Variants in CTBP2 observed in about 807,000 individuals in gnomAD.
The protein encoded by CTBP2 is C-terminal binding protein 2, also known as C-terminal-binding protein 2.
CTBP2 carries 30 observed loss-of-function variants against 80.3 expected under a neutral mutation model. The ratio of observed to expected loss-of-function variants is 0.37; its 90% CI spans 0.28 to 0.51. The LOEUF is 0.51. Ranked by LOEUF, CTBP2 falls within the 20% of genes least tolerant of loss-of-function variation. The pLI, the probability that CTBP2 is intolerant of heterozygous loss-of-function variation, is 0.93. For missense variants in CTBP2, 1,212 were observed against 1,375.3 expected (o/e 0.88, Z 1.88); for synonymous variants, 594 against 587.4 (o/e 1.01, Z -0.16).
At chr10:125,000,371 C>T (rs918266307) in intron 3 of CTBP2, 22 of 152,380 alleles carry the variant, frequency 1.4e-4, no homozygotes, top group African/African-American at 5.3e-4. Flanking sequence ...ATGGGTGGCT[C>T]TGATACTCGC....
intron 2 of CTBP2, 93 bp from the exon 5 acceptor site, chr10:125,003,197 C>A: frequency 6.3e-7 from 1 of 1,593,660 alleles, no homozygotes. Context: ...ACCCTTGAAC[C>A]TGAGGCAGAG....
At chr10:125,144,322 C>T (rs916355186) in intron 1 of CTBP2, among the ~76,000 whole-genome samples, 1 of 152,186 alleles carries the variant, frequency 6.6e-6, no homozygotes, top group Non-Finnish European at 1.5e-5. Context: ...GGAGGAGAAC[C>T]AGTTCGGATC....
intron 2 of CTBP2, among the ~76,000 whole-genome samples, chr10:125,080,616 A>G (rs953950995): frequency 4.6e-5 from 7 of 152,358 alleles, no homozygotes; most frequent in African/African-American, 1.7e-4. Flanking sequence ...CCAGACGCAC[A>G]TAAGAAATTT....
intron 3 of CTBP2, among the ~76,000 whole-genome samples, chr10:125,038,702 A>G (rs974723868): frequency 6.6e-6 from 1 of 152,184 alleles, no homozygotes; most frequent in Non-Finnish European, 1.5e-5. Context: ...AATCAACACC[A>G]TCTTTTATAT....
intron 2 of CTBP2, among the ~76,000 whole-genome samples, chr10:125,097,313 T>A (rs1389288202): frequency 1.3e-5 from 2 of 152,154 alleles, no homozygotes; most frequent in African/African-American, 2.4e-5. Context: ...ATTACAAAAT[T>A]TACTAGTCTC....
chr10:125,068,212 G>A (rs555473068), intron 2 of CTBP2, among the ~76,000 whole-genome samples: 7 of 152,308 alleles, frequency 4.6e-5, no homozygotes, highest in African/African-American at 1.4e-4. Context: ...CCTGATCTGC[G>A]AAGGACACGT....
intron 2 of CTBP2, among the ~76,000 whole-genome samples, chr10:125,046,962 G>A (rs1961409250): frequency 6.6e-6 from 1 of 152,170 alleles, no homozygotes; most frequent in Non-Finnish European, 1.5e-5. Flanking sequence ...GAAGACTTGA[G>A]CAGAAAGAAT....
At chr10:124,992,957 A>G in intron 7 of CTBP2, 145 bp from the exon 10 acceptor site, 1 of 826,350 alleles carries the variant, frequency 1.2e-6, no homozygotes. Context: ...GCTCTTCAAC[A>G]CTGACCTTCA....
rs763756331 is a variant in CTBP2, at chr10:125,027,322, C to T, written c.438G>A (p.Thr146=). The T allele has an allele frequency of 1.5e-5, 25 of 1,613,660 alleles. No homozygotes were observed. Among genetic ancestry groups the T allele is most frequent in the African/African-American group, 6.7e-5 (5 of 74,924 alleles). ...ACCGGCCTTGCATTGGATCCCATGA[C>T]GTTCTGCTGCCAAGCACTCCGTAGC... is the stretch of plus-strand genomic sequence containing the variant. Residue 146 remains threonine (T), a synonymous_variant, in exon 1 of 9, where the codon ACG becomes ACA. Coordinates refer to ENST00000309035, the MANE Select transcript of CTBP2 (RefSeq NM_022802.3).
chr10:125,011,670 G>C (rs755181264), intron 1 of CTBP2, among the ~76,000 whole-genome samples: 8 of 152,224 alleles, frequency 5.3e-5, no homozygotes, highest in Non-Finnish European at 1.0e-4. Flanking sequence ...ACTTCAACGG[G>C]TTCCTCAGAG....
At chr10:125,000,118 C>T (rs1351225876) in intron 3 of CTBP2, 3 of 152,334 alleles carry the variant, frequency 2.0e-5, no homozygotes, top group East Asian at 1.9e-4. Context: ...CATTCAGCTC[C>T]GTGGTTCCAC....
rs569847165 is a variant in CTBP2, at chr10:125,048,491, G to C, written c.-101-9336C>G. On this transcript the variant is annotated intron_variant, in intron 2 of 10. Coordinates refer to the CTBP2 transcript ENST00000337195. The stretch of plus-strand genomic sequence containing the variant: ...GCAGATGCTTCGTTTCTAGGAGCAT[G>C]ATATGCCAGGGGAAAGGGGATGCAG... Among the ~76,000 whole-genome samples the C allele has an allele frequency of 1.1e-4, 16 of 152,338 alleles. No individual in the cohort carries two copies. In the Middle Eastern group the frequency reaches 0.01, roughly 97 times the overall value.
At chr10:125,129,157 T>G (rs1174476379) in intron 1 of CTBP2, among the ~76,000 whole-genome samples, 1 of 152,168 alleles carries the variant, frequency 6.6e-6, no homozygotes, top group Non-Finnish European at 1.5e-5. Flanking sequence ...TACATGAAAT[T>G]CTAGAACAGG....
At chr10:125,015,800 C>T (rs995160870) in intron 1 of CTBP2, among the ~76,000 whole-genome samples, 30 of 152,204 alleles carry the variant, frequency 2.0e-4, no homozygotes, top group Middle Eastern at 3.2e-3. Context: ...GAGAAAAGTA[C>T]GAATTGTTGC....
At chr10:124,992,592 T>C in intron 8 of CTBP2, 103 bp downstream of exon 10, 1 of 712,960 alleles carries the variant, frequency 1.4e-6, no homozygotes, top group South Asian at 1.8e-5. Flanking sequence ...GACCCTGACT[T>C]AGCATCTGCG....
chr10:125,072,109 C>T (rs1446829624), intron 2 of CTBP2, among the ~76,000 whole-genome samples: 2 of 151,960 alleles, frequency 1.3e-5, no homozygotes, highest in Non-Finnish European at 2.9e-5. Context: ...GTCAGGAGTT[C>T]GAGACCAGCC....
At chr10:124,994,217 G>A (rs1318066633) in intron 5 of CTBP2, among the ~76,000 whole-genome samples, 1 of 152,244 alleles carries the variant, frequency 6.6e-6, no homozygotes, top group East Asian at 1.9e-4. Context: ...GTGCCGAGCT[G>A]CTGGCCTCTT....
At chr10:125,153,770 A>C (rs34480374) in intron 1 of CTBP2, among the ~76,000 whole-genome samples, 1 of 152,224 alleles carries the variant, frequency 6.6e-6, no homozygotes, top group Non-Finnish European at 1.5e-5. Context: ...ATCTCCCTCC[A>C]CGGTCTAGGT....
intron 1 of CTBP2, among the ~76,000 whole-genome samples, chr10:125,121,922 C>T (rs537346824): frequency 6.6e-5 from 10 of 152,314 alleles, no homozygotes; most frequent in Middle Eastern, 3.4e-3. Flanking sequence ...ATGCAGGTGA[C>T]GCAGCCTCTT....
Sources: allele counts gnomAD v4.1 joint callset (sites outside exome capture counted in the v4.1 genomes callset), GRCh38; gene constraint gnomAD v4.1.1; transcripts MANE v1.5; gene names NCBI Gene and HGNC (gene_info 2026-07-23, HGNC 2026-07-21).